Variants in KIAA1328 observed in about 807,000 individuals in gnomAD.
The protein encoded by KIAA1328 is protein hinderin.
A neutral mutation model predicts 68.1 loss-of-function variants in KIAA1328; 52 were observed. That is an observed-to-expected ratio of 0.76 (90% confidence interval 0.61 to 0.96). KIAA1328 has a LOEUF of 0.96. Ranked by LOEUF, KIAA1328 falls within the 40% of genes least tolerant of loss-of-function variation. The probability of loss-of-function intolerance (pLI) is 0.00; values close to 1 mark genes in which losing one functional copy is unlikely to be tolerated. For synonymous variants in KIAA1328, 232 were observed against 239.4 expected (o/e 0.97, Z 0.28); for missense variants, 641 against 677.6 (o/e 0.95, Z 0.60).
chr18:37,019,179 G>A (rs1304571640), intron 6 of KIAA1328, among the ~76,000 whole-genome samples: 3 of 150,978 alleles, frequency 2.0e-5, no homozygotes, highest in Non-Finnish European at 4.4e-5. Context: ...CCCCCTCCGA[G>A]TGTGACTGTG....
At chr18:36,954,494 T>A (rs1041250916) in intron 5 of KIAA1328, 2 of 152,202 alleles carry the variant, frequency 1.3e-5, no homozygotes, top group African/African-American at 2.4e-5. Context: ...AGATGCATTT[T>A]CTTCTTTGCT....
intron 9 of KIAA1328, among the ~76,000 whole-genome samples, chr18:37,200,143 A>G (rs2060081014): frequency 6.6e-6 from 1 of 152,198 alleles, no homozygotes; most frequent in Non-Finnish European, 1.5e-5. Context: ...ACAACATACA[A>G]TTTGAAGAGT....
At chr18:37,079,003 T>A (rs1240654575) in intron 7 of KIAA1328, among the ~76,000 whole-genome samples, 3 of 151,726 alleles carry the variant, frequency 2.0e-5, no homozygotes, top group Non-Finnish European at 4.4e-5. Context: ...GGACTATAAA[T>A]CATTCTGCTA....
intron 6 of KIAA1328, among the ~76,000 whole-genome samples, chr18:37,042,188 G>C (rs1448338321): frequency 6.6e-6 from 1 of 152,050 alleles, no homozygotes; most frequent in Non-Finnish European, 1.5e-5. Flanking sequence ...ATGAGCCACT[G>C]CACCTAGCCA....
chr18:36,876,094 C>T (rs968492318), intron 4 of KIAA1328, among the ~76,000 whole-genome samples: 2 of 151,908 alleles, frequency 1.3e-5, no homozygotes, highest in African/African-American at 2.4e-5. Context: ...ATTTTCCCAT[C>T]GATGTTCATC....
At chr18:37,082,794 T>A (rs1365043602) in intron 7 of KIAA1328, among the ~76,000 whole-genome samples, 1 of 152,188 alleles carries the variant, frequency 6.6e-6, no homozygotes, top group Non-Finnish European at 1.5e-5. Flanking sequence ...AGAAGATTTA[T>A]CCAGAATATT....
At position 36,870,661 on chromosome 18, in the gene KIAA1328, A is replaced by T. The variant is rs999585319; in HGVS notation, c.333-14896A>T. ...TGCATACATTTTGCATTACAGAAGT[A>T]CAGTGATCAAAACTAAGAAATTAAC... On this transcript the variant is annotated intron_variant, in intron 4 of 9. Coordinates refer to ENST00000280020, the MANE Select transcript of KIAA1328 (RefSeq NM_020776.3). 3.3e-5 allele frequency among the ~76,000 whole-genome samples: 5 copies of T among 152,218 alleles called. No individual in the cohort carries two copies. The South Asian group carries it at 8.3e-4, about 25-fold the overall frequency.
At chr18:37,079,151 TA>T (rs1053153455) in intron 7 of KIAA1328, among the ~76,000 whole-genome samples, 1 of 129,104 alleles carries the variant, frequency 7.7e-6, no homozygotes, top group African/African-American at 3.6e-5. Context: ...TATGCAGCCA[TA>T]AAAAATGATG....
At chr18:36,874,537 T>C (rs1449042168) in intron 4 of KIAA1328, among the ~76,000 whole-genome samples, 1 of 152,186 alleles carries the variant, frequency 6.6e-6, no homozygotes, top group Non-Finnish European at 1.5e-5. Context: ...GGGTTGTTTG[T>C]TTTTTTCTTG....
chr18:37,073,595 A>G (rs1005653064), intron 7 of KIAA1328, among the ~76,000 whole-genome samples: 1 of 151,944 alleles, frequency 6.6e-6, no homozygotes, highest in South Asian at 2.1e-4. Flanking sequence ...TCTATTCTCA[A>G]ATTTCTGGTT....
intron 4 of KIAA1328, among the ~76,000 whole-genome samples, chr18:36,844,535 T>A (rs2046964268): frequency 6.6e-6 from 1 of 151,964 alleles, no homozygotes; most frequent in Admixed American, 6.6e-5. Flanking sequence ...CTTTCCCAAT[T>A]GTTTGATGCA....
intron 6 of KIAA1328, among the ~76,000 whole-genome samples, chr18:37,058,587 C>T (rs1338670384): frequency 6.6e-6 from 1 of 151,958 alleles, no homozygotes; most frequent in Non-Finnish European, 1.5e-5. Flanking sequence ...CAGCGTGCCC[C>T]TGTAGTCCCA....
intron 7 of KIAA1328, among the ~76,000 whole-genome samples, chr18:37,076,865 C>G (rs1443862916): frequency 2.0e-5 from 3 of 152,038 alleles, no homozygotes; most frequent in Non-Finnish European, 4.4e-5. Flanking sequence ...CAAAAAGAGT[C>G]CAGGACCAGA....
At chr18:36,923,844 C>T (rs2050018216) in intron 5 of KIAA1328, 1 of 152,292 alleles carries the variant, frequency 6.6e-6, no homozygotes, top group African/African-American at 2.4e-5. Flanking sequence ...ACATAAAGAA[C>T]ATTCACATCA....
intron 5 of KIAA1328, among the ~76,000 whole-genome samples, chr18:36,956,176 G>T (rs1035784264): frequency 2.6e-5 from 4 of 152,166 alleles, no homozygotes; most frequent in Non-Finnish European, 5.9e-5. Flanking sequence ...TAATTAATGT[G>T]ATAGTTAGGT....
chr18:37,224,790 A>G lies in KIAA1328; in HGVS notation c.*2563A>G. 1 of 985,362 alleles carries G rather than the reference A, an allele frequency of 1.0e-6. No homozygotes were observed. Among genetic ancestry groups the G allele is most frequent in the Non-Finnish European group, 1.2e-6 (1 of 829,938 alleles). 61.0% of individuals were successfully genotyped at this position (985,362 alleles called of 1,614,324 possible). A position where few individuals can be genotyped will look rare whatever the true frequency, so the allele number is the denominator to read the frequency against. The stretch of plus-strand genomic sequence containing the variant: ...CCAAAGCAAGACTGGACACATGCCG[A>G]GGGCGTTGCGGATAGTGCCTCACCA... On this transcript the variant is annotated 3_prime_UTR_variant, in exon 10 of 10. Transcript: ENST00000280020.
chr18:36,877,249 T>C (rs2048159717), intron 4 of KIAA1328, among the ~76,000 whole-genome samples: 1 of 152,194 alleles, frequency 6.6e-6, no homozygotes, highest in African/African-American at 2.4e-5. Context: ...TTCTCTCTCG[T>C]TGATCTGATT....
intron 4 of KIAA1328, among the ~76,000 whole-genome samples, chr18:36,849,726 C>T (rs185596142): frequency 1.2e-4 from 19 of 152,130 alleles, no homozygotes; most frequent in African/African-American, 3.9e-4. Flanking sequence ...TTTGTACATA[C>T]CCAGGAGCTG....
At chr18:36,957,283 A>T (rs1014677216) in intron 5 of KIAA1328, among the ~76,000 whole-genome samples, 1 of 152,222 alleles carries the variant, frequency 6.6e-6, no homozygotes, top group African/African-American at 2.4e-5. Context: ...AAAAGTATGT[A>T]TACAGAATAA....
Sources: allele counts gnomAD v4.1 joint callset (sites outside exome capture counted in the v4.1 genomes callset), GRCh38; gene constraint gnomAD v4.1.1; transcripts MANE v1.5; gene names NCBI Gene and HGNC (gene_info 2026-07-23, HGNC 2026-07-21).